The following ERC2 variants were observed in gnomAD, a reference collection of about 807,000 sequenced individuals.
ERC2 encodes the protein ELKS/RAB6-interacting/CAST family member 2.
Under a neutral mutation model 114.8 loss-of-function variants are expected in ERC2, and 42 were observed. The observed-to-expected ratio is 0.37, with a 90% CI of 0.29 to 0.47. The LOEUF is 0.47. Among genes scored for constraint, ERC2 ranks in the 20% least tolerant of loss-of-function variants. The probability of loss-of-function intolerance (pLI) is 0.99; values close to 1 mark genes in which losing one functional copy is unlikely to be tolerated. For missense variants in ERC2, 939 were observed against 1,150.7 expected (o/e 0.82, Z 2.66); for synonymous variants, 454 against 425.5 (o/e 1.07, Z -0.82).
chr3:56,386,833 T>G (rs565229674), intron 2 of ERC2, among the ~76,000 whole-genome samples: 2 of 152,256 alleles, frequency 1.3e-5, no homozygotes, highest in African/African-American at 4.8e-5. Flanking sequence ...ATGCCAGATA[T>G]AACACCATAT....
intron 2 of ERC2, among the ~76,000 whole-genome samples, chr3:56,362,858 C>CT (rs2059010420): frequency 6.6e-6 from 1 of 152,206 alleles, no homozygotes; most frequent in Non-Finnish European, 1.5e-5. Flanking sequence ...ATTGTAGTGT[C>CT]TTTCTTGCAT....
chr3:56,200,477 G>A (rs1480356946), intron 3 of ERC2, among the ~76,000 whole-genome samples: 1 of 152,130 alleles, frequency 6.6e-6, no homozygotes, highest in African/African-American at 2.4e-5. Context: ...GAATCAGAAA[G>A]TGTTCCTATC....
intron 1 of ERC2, among the ~76,000 whole-genome samples, chr3:56,450,009 C>A (rs2062758651): frequency 1.3e-5 from 2 of 152,204 alleles, no homozygotes; most frequent in Admixed American, 1.3e-4. Context: ...TTGCCTTCCC[C>A]CATGATCTGC....
intron 7 of ERC2, among the ~76,000 whole-genome samples, chr3:56,066,844 A>C (rs2076505251): frequency 6.6e-6 from 1 of 152,190 alleles, no homozygotes; most frequent in Non-Finnish European, 1.5e-5. Context: ...GGTTTGTTGA[A>C]AATCAGATGG....
At chr3:56,400,516 C>T (rs1030632618) in intron 2 of ERC2, among the ~76,000 whole-genome samples, 2 of 152,102 alleles carry the variant, frequency 1.3e-5, no homozygotes, top group Non-Finnish European at 2.9e-5. Flanking sequence ...CTACTGTGAA[C>T]AATGCATTAA....
At chr3:56,285,571 A>T (rs2054641407) in intron 3 of ERC2, among the ~76,000 whole-genome samples, 1 of 152,126 alleles carries the variant, frequency 6.6e-6, no homozygotes, top group South Asian at 2.1e-4. Context: ...AGCCCAGCTC[A>T]AACAGATGCG....
intron 15 of ERC2, among the ~76,000 whole-genome samples, chr3:55,723,141 C>T (rs902022506): frequency 1.6e-4 from 24 of 152,144 alleles, no homozygotes; most frequent in African/African-American, 5.1e-4. Flanking sequence ...AATATGTTTT[C>T]GAAGGCTTTT....
Position 56,045,870 on chromosome 3 carries a change from C to G in ERC2, c.1642-26839G>C, listed in dbSNP as rs775177687. Among the ~76,000 whole-genome samples the G allele has an allele frequency of 1.6e-3, 248 of 152,146 alleles. 5 individuals carry two copies. The highest frequency in any genetic ancestry group is 5.2e-4 in the Admixed American group (8 of 15,272). ...ATACAGTCAGGGGATCATCATATTC[C>G]TATCACTCACCGTGGTGTGATGAAT... On this transcript the variant is annotated intron_variant, in intron 7 of 17. Coordinates refer to ENST00000288221, the MANE Select transcript of ERC2 (RefSeq NM_015576.3).
chr3:55,714,703 A>G (rs1261737845), intron 15 of ERC2, among the ~76,000 whole-genome samples: 12 of 89,420 alleles, frequency 1.3e-4, no homozygotes, highest in Admixed American at 2.6e-4. Flanking sequence ...ATATATATAT[A>G]TATATATATA....
intron 17 of ERC2, among the ~76,000 whole-genome samples, chr3:55,617,239 G>A (rs2059157808): frequency 6.6e-6 from 1 of 152,170 alleles, no homozygotes; most frequent in Admixed American, 6.5e-5. Flanking sequence ...AATATTTCCA[G>A]TGCGCCTCTA....
chr3:55,989,780 C>A (rs774108972), intron 11 of ERC2, among the ~76,000 whole-genome samples: 2 of 152,142 alleles, frequency 1.3e-5, no homozygotes, highest in Non-Finnish European at 1.5e-5. Flanking sequence ...CAGTATTGCA[C>A]GTCAAGTGCT....
chr3:55,905,087 G>A (rs1005903605), intron 13 of ERC2, among the ~76,000 whole-genome samples: 9 of 152,114 alleles, frequency 5.9e-5, no homozygotes, highest in African/African-American at 1.9e-4. Context: ...TGTGTTTCAC[G>A]TTCTTCTTTT....
intron 12 of ERC2, among the ~76,000 whole-genome samples, chr3:55,983,991 T>C (rs941312897): frequency 4.6e-5 from 7 of 152,210 alleles, no homozygotes; most frequent in African/African-American, 1.7e-4. Context: ...TAAAGACTTT[T>C]TGTTTCCAAG....
chr3:56,047,663 C>T (rs1403265312), intron 7 of ERC2, among the ~76,000 whole-genome samples: 1 of 152,148 alleles, frequency 6.6e-6, no homozygotes, highest in Non-Finnish European at 1.5e-5. Flanking sequence ...TAGTTTTGTT[C>T]CAAGGTAGCT....
At chr3:56,058,676 C>G (rs1182448510) in intron 7 of ERC2, among the ~76,000 whole-genome samples, 1 of 152,138 alleles carries the variant, frequency 6.6e-6, no homozygotes, top group Non-Finnish European at 1.5e-5. Flanking sequence ...GATGGAATTC[C>G]TCAGCAGACT....
chr3:55,527,700 T>C (rs546566577), intron 17 of ERC2, among the ~76,000 whole-genome samples: 74 of 152,288 alleles, frequency 4.9e-4, no homozygotes, highest in Non-Finnish European at 1.6e-4. Flanking sequence ...AGGCATGCCA[T>C]ACCTCCTCCT....
chr3:55,721,037 T>C (rs1353855637), intron 15 of ERC2, among the ~76,000 whole-genome samples: 1 of 152,248 alleles, frequency 6.6e-6, no homozygotes, highest in African/African-American at 2.4e-5. Flanking sequence ...GGTGAGTCAA[T>C]GAGCAATCTT....
In ERC2 at chr3:55,993,051, C is replaced by T. The variant is rs1003417818; in HGVS notation, c.2062-801G>A. 5.3e-5 allele frequency among the ~76,000 whole-genome samples: 8 copies of T among 152,010 alleles called. No individual in the cohort carries two copies. In the East Asian group the frequency reaches 9.6e-4, roughly 18 times the overall value. On this transcript the variant is annotated intron_variant, in intron 10 of 17. Coordinates refer to ENST00000288221, the MANE Select transcript of ERC2 (RefSeq NM_015576.3). ...TTGTGGGTTTGTGTGTGAGAGAGTGCGTTACAGCTTTTTTTTTTCCCAAAA... is the reference window on the plus strand; with the variant it reads ...TTGTGGGTTTGTGTGTGAGAGAGTGTGTTACAGCTTTTTTTTTTCCCAAAA...
chr3:56,243,035 T>C (rs1413751374), intron 3 of ERC2, among the ~76,000 whole-genome samples: 6 of 152,180 alleles, frequency 3.9e-5, no homozygotes, highest in Admixed American at 1.3e-4. Context: ...TAATATTTAG[T>C]ACCTAAATTA....
Sources: gnomAD v4.1 joint callset for allele counts (sites outside exome capture counted in the v4.1 genomes callset) on GRCh38, gnomAD v4.1.1 for gene constraint, MANE v1.5 for transcripts, NCBI Gene and HGNC (gene_info 2026-07-23, HGNC 2026-07-21) for gene names.